Variants in PRORP observed in about 807,000 individuals in gnomAD.
The protein encoded by PRORP is protein only RNase P catalytic subunit, also known as mitochondrial ribonuclease P catalytic subunit.
Under a neutral mutation model 59.4 loss-of-function variants are expected in PRORP, and 51 were observed. The ratio of observed to expected loss-of-function variants is 0.86; its 90% CI spans 0.69 to 1.08. The LOEUF (loss-of-function observed/expected upper bound fraction) is 1.08. PRORP is among the 50% of genes least tolerant of loss of function. The probability of loss-of-function intolerance (pLI) is 0.00; values close to 1 mark genes in which losing one functional copy is unlikely to be tolerated. For synonymous variants in PRORP, 231 were observed against 245.6 expected, an observed-to-expected ratio of 0.94 and a Z score of 0.55; for missense variants, 646 against 690.3, an observed-to-expected ratio of 0.94 and a Z score of 0.72.
At chr14:35,251,098 T>G (rs1002193473) in intron 5 of PRORP, among the ~76,000 whole-genome samples, 3 of 152,200 alleles carry the variant, frequency 2.0e-5, no homozygotes, top group African/African-American at 7.2e-5. Context: ...TAGCTCCCAC[T>G]TATGAGTGAG....
chr14:35,237,071 C>CTTCCCTTCCTTCCT (rs1555331077), intron 5 of PRORP, among the ~76,000 whole-genome samples: 3 of 133,522 alleles, frequency 2.2e-5, no homozygotes, highest in South Asian at 4.9e-4. Context: ...CCTTCCTTTC[C>CTTCCCTTCCTTCCT]TTCCTTCCTT....
At position 35,123,086 on chromosome 14, in the gene PRORP, C is replaced by CA; in HGVS notation, c.-156dup. Reference sequence around the variant, plus strand: ...CTGCCTTCTTGCTTTTAAGTAGCCCCAAAAGCAGAACCTTGATTTGTCTGT... The same window carrying CA: ...CTGCCTTCTTGCTTTTAAGTAGCCCCAAAAAGCAGAACCTTGATTTGTCTGT... On this transcript the variant is annotated 5_prime_UTR_variant, in exon 2 of 8. Transcript: ENST00000534898. 1.3e-6 allele frequency: 1 copy of CA among 754,128 alleles called. No homozygotes were observed. Among genetic ancestry groups the CA allele is most frequent in the Non-Finnish European group, 2.1e-6 (1 of 477,618 alleles). The allele number at this position is 754,128 out of a possible 1,614,324, so 46.7% of individuals were successfully genotyped here. A position where few individuals can be genotyped will look rare whatever the true frequency, so the allele number is the denominator to read the frequency against.
At chr14:35,271,536 T>C (rs939380272) in intron 7 of PRORP, among the ~76,000 whole-genome samples, 1 of 152,218 alleles carries the variant, frequency 6.6e-6, no homozygotes, top group Non-Finnish European at 1.5e-5. Flanking sequence ...TATAGTTTGT[T>C]ATACTTCTGC....
chr14:35,257,461 C>G (rs2050790588), intron 5 of PRORP, among the ~76,000 whole-genome samples: 1 of 152,080 alleles, frequency 6.6e-6, no homozygotes, highest in African/African-American at 2.4e-5. Context: ...AGTATTTGTC[C>G]TTTAGTGTCT....
intron 4 of PRORP, among the ~76,000 whole-genome samples, chr14:35,143,457 C>T (rs368752084): frequency 3.7e-4 from 54 of 145,678 alleles, no homozygotes; most frequent in African/African-American, 1.2e-3. Context: ...CCACTGTGCC[C>T]AGCCAGATAT....
chr14:35,230,162 C>T (rs1014397786), intron 5 of PRORP, among the ~76,000 whole-genome samples: 1 of 151,186 alleles, frequency 6.6e-6, no homozygotes, highest in Non-Finnish European at 1.5e-5. Context: ...AAGCAATTCT[C>T]CTGCCTCAGC....
intron 5 of PRORP, among the ~76,000 whole-genome samples, chr14:35,256,171 A>G (rs1163211022): frequency 1.9e-4 from 28 of 149,244 alleles, no homozygotes; most frequent in Non-Finnish European, 3.9e-4. Flanking sequence ...GTAATCCCAG[A>G]TGCTCGGGAG....
In PRORP at chr14:35,179,761, G is replaced by A. The variant is rs138705925; in HGVS notation, c.1168-909G>A. 8.1e-3 allele frequency among the ~76,000 whole-genome samples: 1,229 copies of A among 152,298 alleles called. 15 individuals carry two copies. The highest frequency in any genetic ancestry group is 0.028 in the African/African-American group (1,170 of 41,556). On this transcript the variant is annotated intron_variant, in intron 4 of 7. Transcript: ENST00000534898. ...CTCATCAAAGTCATCGCAAAGCTTT[G>A]TTCTGTTGCTGGCGAGGAGCTGCGT... is the stretch of plus-strand genomic sequence containing the variant.
chr14:35,223,896 G>C (rs1296585671), intron 5 of PRORP, among the ~76,000 whole-genome samples: 1 of 152,140 alleles, frequency 6.6e-6, no homozygotes, highest in Non-Finnish European at 1.5e-5. Context: ...AATAATTTTA[G>C]GTATCATACC....
At chr14:35,227,313 A>G (rs1184904684) in intron 5 of PRORP, among the ~76,000 whole-genome samples, 1 of 151,562 alleles carries the variant, frequency 6.6e-6, no homozygotes, top group Non-Finnish European at 1.5e-5. Flanking sequence ...GCGTGGTGGC[A>G]GGCGCCTGTA....
upstream of PRORP, chr14:35,122,014 C>A: frequency 6.2e-7 from 1 of 1,601,460 alleles, no homozygotes; most frequent in East Asian, 2.2e-5. Flanking sequence ...TGCTCCACCC[C>A]TACCAGCTCA....
intron 5 of PRORP, among the ~76,000 whole-genome samples, chr14:35,258,344 G>GA (rs1305594354): frequency 6.6e-6 from 1 of 151,650 alleles, no homozygotes; most frequent in East Asian, 1.9e-4. Context: ...ATCATCTTGA[G>GA]AAAAAACAGT....
At chr14:35,130,546 A>G (rs2047215404) in intron 4 of PRORP, among the ~76,000 whole-genome samples, 1 of 150,474 alleles carries the variant, frequency 6.6e-6, no homozygotes, top group Non-Finnish European at 1.5e-5. Context: ...GAGTGGCACG[A>G]TCTCAGCTCA....
chr14:35,183,708 A>G (rs1259596910), intron 5 of PRORP, among the ~76,000 whole-genome samples: 1 of 152,182 alleles, frequency 6.6e-6, no homozygotes. Flanking sequence ...AAAAGTGTAT[A>G]ATGGTGCCTA....
intron 6 of PRORP, among the ~76,000 whole-genome samples, chr14:35,267,855 A>G (rs1226216712): frequency 6.6e-6 from 1 of 152,130 alleles, no homozygotes; most frequent in Non-Finnish European, 1.5e-5. Context: ...CAACACGGCC[A>G]GTTGGGCTAT....
chr14:35,223,953 A>C (rs1322034535), intron 5 of PRORP, among the ~76,000 whole-genome samples: 1 of 152,142 alleles, frequency 6.6e-6, no homozygotes, highest in Non-Finnish European at 1.5e-5. Flanking sequence ...GTTTTAGATA[A>C]TCTTATGAGA....
At chr14:35,152,608 C>A (rs1451390786) in intron 4 of PRORP, among the ~76,000 whole-genome samples, 10 of 151,588 alleles carry the variant, frequency 6.6e-5, no homozygotes, top group Non-Finnish European at 1.3e-4. Flanking sequence ...GGGGGCTGAC[C>A]CCCCCACCTC....
intron 4 of PRORP, among the ~76,000 whole-genome samples, chr14:35,131,029 C>T (rs1273137780): frequency 2.6e-5 from 4 of 151,972 alleles, no homozygotes; most frequent in Non-Finnish European, 5.9e-5. Flanking sequence ...CTGCAACCTC[C>T]GCCTCCTGGG....
rs199957765 is a variant in PRORP, at chr14:35,256,291, C to CAA, written c.1276-10424_1276-10423dup. Among the ~76,000 whole-genome samples, 95 of 81,844 alleles carry CAA rather than the reference C, an allele frequency of 1.2e-3. 2 individuals are homozygous for CAA. Among genetic ancestry groups the CAA allele is most frequent in the South Asian group, 3.9e-3 (9 of 2,310 alleles). 53.7% of individuals were successfully genotyped at this position (81,844 alleles called of 152,430 possible). A position where few individuals can be genotyped will look rare whatever the true frequency, so the allele number is the denominator to read the frequency against. On this transcript the variant is annotated intron_variant, in intron 5 of 7. Transcript: ENST00000534898. ...AGAGCGAGACTCTGTCTCAAAATCT[C>CAA]AAAAAAAAAAAAAGAAAAAAGAAAT...
Sources: allele counts gnomAD v4.1 joint callset (sites outside exome capture counted in the v4.1 genomes callset), GRCh38; gene constraint gnomAD v4.1.1; transcripts MANE v1.5; gene names NCBI Gene and HGNC (gene_info 2026-07-23, HGNC 2026-07-21).